SEPTIN6: variants seen among roughly 807,000 people sequenced by gnomAD.
The protein encoded by SEPTIN6 is septin 6, also known as septin-6.
In SEPTIN6, 8 loss-of-function variants were observed where a neutral mutation model predicts 33.6. That is an observed-to-expected ratio of 0.24 (90% CI 0.14 to 0.43). The LOEUF (loss-of-function observed/expected upper bound fraction) is 0.43, where lower values mean the gene tolerates loss of function less well. Ranked by LOEUF, SEPTIN6 falls within the 20% of genes least tolerant of loss-of-function variation. The probability of loss-of-function intolerance (pLI) is 1.00; values close to 1 mark genes in which losing one functional copy is unlikely to be tolerated. For synonymous variants in SEPTIN6, 131 were observed against 140.0 expected (o/e 0.94, Z 0.45); for missense variants, 250 against 340.8 (o/e 0.73, Z 2.10).
Position 119,619,949 on chromosome X carries a change from C to T in SEPTIN6, c.*144G>A, listed in dbSNP as rs1201421537. 1.8e-5 allele frequency: 21 copies of T among 1,177,266 alleles called. No individual in the cohort carries two copies. Among genetic ancestry groups the T allele is most frequent in the Non-Finnish European group, 2.3e-5 (20 of 882,985 alleles). ...ACCTTGGCAGGAAGAGAGGAGAGGG[C>T]GCGGGTTGGATTGTATGCCCCCCAG... On this transcript the variant is annotated 3_prime_UTR_variant, in exon 11 of 11. Transcript: ENST00000394610.
intron 5 of SEPTIN6, among the ~76,000 whole-genome samples, chrX:119,644,882 G>A (rs1294092603): frequency 9.3e-6 from 1 of 107,991 alleles, no homozygotes. Context: ...CATTAACAAG[G>A]GAGAAGCCCT....
chrX:119,660,209 T>A (rs1428611635), intron 3 of SEPTIN6, among the ~76,000 whole-genome samples: 1 of 112,501 alleles, frequency 8.9e-6, no homozygotes, highest in Non-Finnish European at 1.9e-5. Context: ...TTCCGCAGTA[T>A]CCGGCCTTAG....
chrX:119,644,806 G>A (rs1010221372), intron 5 of SEPTIN6, among the ~76,000 whole-genome samples: 1 of 108,732 alleles, frequency 9.2e-6, no homozygotes, highest in Non-Finnish European at 1.9e-5. Context: ...AGCCAAGATC[G>A]CACCACTGCA....
At chrX:119,622,432 G>A (rs1202821526) in intron 10 of SEPTIN6, among the ~76,000 whole-genome samples, 1 of 111,605 alleles carries the variant, frequency 9.0e-6, no homozygotes, top group Non-Finnish European at 1.9e-5. Context: ...GGAGGGGGCG[G>A]GTTGCCTTTG....
chrX:119,678,200 T>C (rs951469019), intron 1 of SEPTIN6, among the ~76,000 whole-genome samples: 4 of 109,454 alleles, frequency 3.7e-5, no homozygotes, highest in Non-Finnish European at 7.6e-5. Flanking sequence ...GATCTCGCCA[T>C]TGCACTCCAG....
At chrX:119,656,505 G>C (rs1238706729) in intron 3 of SEPTIN6, among the ~76,000 whole-genome samples, 1 of 112,184 alleles carries the variant, frequency 8.9e-6, no homozygotes, top group Non-Finnish European at 1.9e-5. Context: ...CCAGGGAGGT[G>C]GGACTTGGTG....
intron 1 of SEPTIN6, among the ~76,000 whole-genome samples, chrX:119,676,550 A>G (rs140615237): frequency 8.9e-6 from 1 of 111,752 alleles, no homozygotes; most frequent in African/African-American, 3.3e-5. Context: ...TGGGTGGATC[A>G]CTTGAGGCCA....
chrX:119,620,128 T>C, intron 10 of SEPTIN6, 77 bp from the exon 11 acceptor site: 1 of 847,649 alleles, frequency 1.2e-6, no homozygotes, highest in Non-Finnish European at 1.7e-6. Flanking sequence ...CAGAAGAAAA[T>C]TAAGTAATGA....
At position 119,617,609 on chromosome X, in the gene SEPTIN6, A is replaced by T; in HGVS notation, c.*2484T>A. Reference sequence around the variant, plus strand: ...GAGGGTCTTCTAATACTAACTAGTCAGTTACTCTGAACATCAAAAGACCTC... The same window carrying T: ...GAGGGTCTTCTAATACTAACTAGTCTGTTACTCTGAACATCAAAAGACCTC... On this transcript the variant is annotated 3_prime_UTR_variant, in exon 11 of 11. Transcript: ENST00000394610. 1.2e-6 allele frequency: 1 copy of T among 802,695 alleles called. No individual in the cohort carries two copies. 66.2% of individuals were successfully genotyped at this position (802,695 alleles called of 1,213,427 possible).
intron 1 of SEPTIN6, among the ~76,000 whole-genome samples, chrX:119,682,257 C>T (rs2054973816): frequency 9.0e-6 from 1 of 111,209 alleles, no homozygotes; most frequent in African/African-American, 3.3e-5. Context: ...CGGTATGCTT[C>T]CCTATTGTTT....
At chrX:119,690,913 CAG>C (rs1226753390) in intron 1 of SEPTIN6, among the ~76,000 whole-genome samples, 1 of 109,588 alleles carries the variant, frequency 9.1e-6, no homozygotes, top group Admixed American at 9.9e-5. Context: ...CAAAGGAGAA[CAG>C]AGAGACAAAT....
chrX:119,635,259 G>T, intron 7 of SEPTIN6: 1 of 251,041 alleles, frequency 4.0e-6, no homozygotes, highest in South Asian at 4.2e-5. Context: ...TTTCGGGGAG[G>T]TCCTCTATGG....
rs1569425533 is a variant in SEPTIN6 at position 119,640,671 on chromosome X, CCT to C, written c.787+19_787+20del. 1.7e-6 allele frequency: 2 copies of C among 1,152,825 alleles called. No homozygotes were observed. The highest frequency in any genetic ancestry group is 4.4e-5 in the Admixed American group (2 of 45,735). ...ACAAAAGGGGCTTCCTGTGTGTAGC[CCT>C]TCCCGGAGACTCACTCACCCTGCAC... On this transcript the variant is annotated intron_variant, in intron 6 of 10. Coordinates refer to ENST00000394610, the MANE Select transcript of SEPTIN6 (RefSeq NM_145799.4).
intron 8 of SEPTIN6, among the ~76,000 whole-genome samples, chrX:119,632,086 A>G (rs7052248): frequency 0.15 from 16,655 of 108,554 alleles, 2,074 homozygotes; most frequent in African/African-American, 0.42. Flanking sequence ...TAATAGAAAC[A>G]GGGTCTCAGT....
chrX:119,650,446 C>T (rs2054332239), intron 4 of SEPTIN6, among the ~76,000 whole-genome samples: 1 of 94,316 alleles, frequency 1.1e-5, no homozygotes, highest in African/African-American at 5.7e-5. Context: ...AATCCAAACT[C>T]AGCCTTATTC....
chrX:119,655,298 C>T (rs1257156233), intron 3 of SEPTIN6, among the ~76,000 whole-genome samples: 3 of 110,304 alleles, frequency 2.7e-5, no homozygotes, highest in Non-Finnish European at 5.7e-5. Flanking sequence ...GTATCCTCCA[C>T]GTCTAGCCTG....
chrX:119,654,460 C>T (rs986040419), intron 3 of SEPTIN6, among the ~76,000 whole-genome samples: 2 of 111,482 alleles, frequency 1.8e-5, no homozygotes, highest in African/African-American at 6.5e-5. Flanking sequence ...CATGTGGGCC[C>T]AGGGCAGGGA....
Position 119,618,015 on chromosome X carries a change from C to A in SEPTIN6, c.*2078G>T, listed in dbSNP as rs181616498. ...CGGCGGTGTGGGGAAGTGGTGGTTA[C>A]CGGTTGGTTGTTTAAGCGTGAATTT... On this transcript the variant is annotated 3_prime_UTR_variant, in exon 11 of 11. Coordinates refer to ENST00000394610, the MANE Select transcript of SEPTIN6 (RefSeq NM_145799.4). 33 of 803,205 alleles carry A rather than the reference C, an allele frequency of 4.1e-5. No homozygotes were observed. The East Asian group carries it at 2.2e-3, about 53-fold the overall frequency. The allele number at this position is 803,205 out of a possible 1,213,427, so 66.2% of individuals were successfully genotyped here.
Position 119,652,860 on chromosome X carries a change from G to A in SEPTIN6, c.522C>T (p.Asp174=), listed in dbSNP as rs564932651. Residue 174 remains aspartate (D), a synonymous_variant, in exon 4 of 11, where the codon GAC becomes GAT. Transcript: ENST00000394610. ...SLDLVTMKKL[D]SKVNIIPIIA... is the part of the protein sequence containing the mutation. ...CCGCCCCTGCCTCCTATACCTTACT[G>A]TCCAGCTTCTTCATAGTCACTAGGT... 16 of 1,209,828 alleles carry A rather than the reference G, an allele frequency of 1.3e-5. No homozygotes were observed. The South Asian group carries it at 1.9e-4, about 15-fold the overall frequency.
Sources: gnomAD v4.1 joint callset for allele counts (sites outside exome capture counted in the v4.1 genomes callset) on GRCh38, gnomAD v4.1.1 for gene constraint, MANE v1.5 for transcripts, NCBI Gene and HGNC (gene_info 2026-07-23, HGNC 2026-07-21) for gene names.